BNC2: variants seen among roughly 807,000 people sequenced by gnomAD.
The protein encoded by BNC2 is basonuclin zinc finger protein 2.
Under a neutral mutation model 76.3 loss-of-function variants are expected in BNC2, and 20 were observed. That is an observed-to-expected ratio of 0.26 (90% CI 0.18 to 0.38). The LOEUF is 0.38. Ranked by LOEUF, BNC2 falls within the 10% of genes least tolerant of loss-of-function variation. The pLI, the probability that BNC2 is intolerant of heterozygous loss-of-function variation, is 1.00. For missense variants in BNC2, 1,382 were observed against 1,399.8 expected (o/e 0.99, Z 0.20); for synonymous variants, 582 against 514.8 (o/e 1.13, Z -1.77).
chr9:16,551,352 A>G (rs1818657049), intron 5 of BNC2, among the ~76,000 whole-genome samples: 1 of 152,190 alleles, frequency 6.6e-6, no homozygotes, highest in Non-Finnish European at 1.5e-5. Flanking sequence ...TGGAGGTACC[A>G]CACAGGAAAA....
At chr9:16,541,038 C>T (rs1412333039) in intron 5 of BNC2, among the ~76,000 whole-genome samples, 1 of 152,198 alleles carries the variant, frequency 6.6e-6, no homozygotes, top group Admixed American at 6.5e-5. Context: ...TCTTCTGCAG[C>T]AGGCATAGTA....
chr9:16,589,400 G>A (rs895398785), intron 3 of BNC2, among the ~76,000 whole-genome samples: 2 of 151,972 alleles, frequency 1.3e-5, no homozygotes, highest in African/African-American at 4.8e-5. Flanking sequence ...TGCCCAGACT[G>A]GTCTCAAACT....
intron 5 of BNC2, among the ~76,000 whole-genome samples, chr9:16,529,474 A>G (rs1296349312): frequency 6.6e-6 from 1 of 152,168 alleles, no homozygotes; most frequent in African/African-American, 2.4e-5. Flanking sequence ...CAATGTTTCA[A>G]TTTTATATTA....
At chr9:16,566,648 C>T (rs965567232) in intron 4 of BNC2, among the ~76,000 whole-genome samples, 1 of 152,130 alleles carries the variant, frequency 6.6e-6, no homozygotes, top group African/African-American at 2.4e-5. Context: ...TCATAATACA[C>T]AGACTTTATG....
chr9:16,827,274 T>C (rs1457232365), intron 1 of BNC2, among the ~76,000 whole-genome samples: 1 of 152,204 alleles, frequency 6.6e-6, no homozygotes, highest in South Asian at 2.1e-4. Flanking sequence ...GAGAAACACA[T>C]GGAAAAGCGA....
intron 3 of BNC2, among the ~76,000 whole-genome samples, chr9:16,659,466 T>A (rs1269367199): frequency 6.6e-6 from 1 of 151,876 alleles, no homozygotes. Context: ...AAATTAGCTG[T>A]GTGTGGTGGT....
chr9:16,564,201 C>G (rs1196278648), intron 4 of BNC2, among the ~76,000 whole-genome samples: 1 of 152,202 alleles, frequency 6.6e-6, no homozygotes, highest in Non-Finnish European at 1.5e-5. Flanking sequence ...AATCCCAGCT[C>G]TGCCACTTAC....
intron 3 of BNC2, among the ~76,000 whole-genome samples, chr9:16,634,952 T>C (rs928173589): frequency 2.6e-5 from 4 of 152,184 alleles, no homozygotes; most frequent in Non-Finnish European, 5.9e-5. Context: ...ATTATGGACA[T>C]TGTAGCTTGA....
chr9:16,831,824 T>C (rs1335117098), intron 1 of BNC2, among the ~76,000 whole-genome samples: 2 of 152,146 alleles, frequency 1.3e-5, no homozygotes, highest in African/African-American at 4.8e-5. Context: ...TGCATCAAGC[T>C]CCATAGAGAC....
At chr9:16,566,382 A>G (rs1287935297) in intron 4 of BNC2, among the ~76,000 whole-genome samples, 1 of 152,160 alleles carries the variant, frequency 6.6e-6, no homozygotes, top group Non-Finnish European at 1.5e-5. Context: ...AATTTCATCC[A>G]TGTCCCTTTC....
At chr9:16,653,323 G>C (rs527929497) in intron 3 of BNC2, among the ~76,000 whole-genome samples, 12 of 152,186 alleles carry the variant, frequency 7.9e-5, no homozygotes, top group East Asian at 3.9e-4. Context: ...ACAAATGTAA[G>C]TGCCCACACA....
At chr9:16,626,023 C>T (rs540779224) in intron 3 of BNC2, 1 of 152,348 alleles carries the variant, frequency 6.6e-6, no homozygotes, top group South Asian at 2.1e-4. Flanking sequence ...ATTACATCAT[C>T]TTCTAATGGA....
chr9:16,547,581 C>CA (rs1166250672), intron 5 of BNC2, among the ~76,000 whole-genome samples: 3 of 152,184 alleles, frequency 2.0e-5, no homozygotes, highest in Non-Finnish European at 2.9e-5. Context: ...TTGAAGGAAA[C>CA]AGAGTCCTAA....
At position 16,668,672 on chromosome 9, in the gene BNC2, T is replaced by C. The variant is rs577063752; in HGVS notation, c.330+59125A>G. Among the ~76,000 whole-genome samples the C allele has an allele frequency of 1.4e-4, 22 of 152,198 alleles. No homozygotes were observed. The East Asian group carries it at 1.5e-3, about 11-fold the overall frequency. Reference sequence around the variant, plus strand: ...TGAGTTCTTTTCTTGTCTCCCCTTATCCACAGATGTATAATTTGGGTCTGC... The same window carrying C: ...TGAGTTCTTTTCTTGTCTCCCCTTACCCACAGATGTATAATTTGGGTCTGC... On this transcript the variant is annotated intron_variant, in intron 3 of 6. Coordinates refer to ENST00000380672, the MANE Select transcript of BNC2 (RefSeq NM_017637.6).
intron 1 of BNC2, among the ~76,000 whole-genome samples, chr9:16,841,372 T>A (rs1818821120): frequency 6.6e-6 from 1 of 152,192 alleles, no homozygotes; most frequent in Non-Finnish European, 1.5e-5. Context: ...CGACGCTTTC[T>A]ATACCTACAC....
chr9:16,844,325 T>C (rs1368639258), intron 1 of BNC2, among the ~76,000 whole-genome samples: 1 of 151,874 alleles, frequency 6.6e-6, no homozygotes, highest in Admixed American at 6.6e-5. Context: ...AAAATATCCA[T>C]ATGCCTTTAC....
intron 1 of BNC2, among the ~76,000 whole-genome samples, chr9:16,821,722 A>G (rs1163692185): frequency 6.6e-6 from 1 of 151,954 alleles, no homozygotes; most frequent in Non-Finnish European, 1.5e-5. Flanking sequence ...GCTGAGGCAG[A>G]TGGATCATTT....
chr9:16,837,392 T>A (rs1818732178), intron 1 of BNC2, among the ~76,000 whole-genome samples: 1 of 152,120 alleles, frequency 6.6e-6, no homozygotes, highest in Admixed American at 6.5e-5. Context: ...TAATCCCAGC[T>A]ACTCAGGACG....
chr9:16,462,986 C>T (rs191350948), intron 5 of BNC2, among the ~76,000 whole-genome samples: 108 of 152,232 alleles, frequency 7.1e-4, no homozygotes, highest in African/African-American at 2.5e-3. Context: ...TTCTGGGGAA[C>T]TGATCATTTC....
Sources: gnomAD v4.1 joint callset for allele counts (sites outside exome capture counted in the v4.1 genomes callset) on GRCh38, gnomAD v4.1.1 for gene constraint, MANE v1.5 for transcripts, NCBI Gene and HGNC (gene_info 2026-07-23, HGNC 2026-07-21) for gene names.